The following PCSK6 variants were observed in gnomAD, a reference collection of about 807,000 sequenced individuals.
PCSK6 encodes paired basic amino acid cleaving enzyme 4.
Under a neutral mutation model 123.3 loss-of-function variants are expected in PCSK6, and 85 were observed. The observed-to-expected ratio is 0.69, with a 90% CI of 0.58 to 0.83. The LOEUF is 0.83. PCSK6 is among the 40% of genes least tolerant of loss of function. The probability of loss-of-function intolerance (pLI) is 0.00; values close to 1 mark genes in which losing one functional copy is unlikely to be tolerated. For missense variants in PCSK6, 1,191 were observed against 1,282.3 expected (o/e 0.93, Z 1.09); for synonymous variants, 508 against 516.0 (o/e 0.98, Z 0.21).
At chr15:101,384,278 A>G (rs2041994502) in intron 10 of PCSK6, 44 bp downstream of exon 10, 3 of 1,599,628 alleles carry the variant, frequency 1.9e-6, no homozygotes, top group Admixed American at 1.7e-5. Context: ...CTTCCTACAC[A>G]TTCCAGGGCC....
intron 11 of PCSK6, among the ~76,000 whole-genome samples, chr15:101,372,636 C>T (rs956418586): frequency 1.3e-5 from 2 of 152,084 alleles, no homozygotes; most frequent in Non-Finnish European, 2.9e-5. Flanking sequence ...CCCACCTTCA[C>T]CCCACACTAA....
intron 2 of PCSK6, 107 bp from the exon 3 acceptor site, chr15:101,432,207 T>C: frequency 3.4e-6 from 3 of 875,430 alleles, no homozygotes; most frequent in East Asian, 2.7e-5. Context: ...ATCTGTGTCA[T>C]AGCAGATATT....
At chr15:101,466,927 C>A (rs1006511831) in intron 1 of PCSK6, among the ~76,000 whole-genome samples, 1 of 151,908 alleles carries the variant, frequency 6.6e-6, no homozygotes, top group African/African-American at 2.4e-5. Flanking sequence ...AGATGGGGTG[C>A]GGGGACAGTT....
In PCSK6 at chr15:101,306,817, C is replaced by T. The variant is rs139888982; in HGVS notation, c.2812+396G>A. Among the ~76,000 whole-genome samples the T allele has an allele frequency of 3.8e-3, 581 of 152,338 alleles. 5 individuals carry two copies. Among genetic ancestry groups the T allele is most frequent in the African/African-American group, 0.013 (555 of 41,578 alleles). ...GCTCTACTCTGGGCTCTGTCCCCCT[C>T]GTCCTGAGCAGAGACCCTCCAGGCT... On this transcript the variant is annotated intron_variant, in intron 21 of 21. Coordinates refer to ENST00000611716, the MANE Select transcript of PCSK6 (RefSeq NM_002570.5).
chr15:101,399,693 C>T (rs957645432), intron 6 of PCSK6, among the ~76,000 whole-genome samples: 5 of 152,114 alleles, frequency 3.3e-5, no homozygotes, highest in African/African-American at 4.8e-5. Flanking sequence ...GGGGTAATGA[C>T]GGCCATGGAC....
At chr15:101,364,215 A>G (rs1390023986) in intron 13 of PCSK6, among the ~76,000 whole-genome samples, 1 of 152,164 alleles carries the variant, frequency 6.6e-6, no homozygotes, top group African/African-American at 2.4e-5. Flanking sequence ...ATCTTCACAG[A>G]AAAGGGCACA....
At chr15:101,408,664 C>T (rs1325224676) in intron 6 of PCSK6, among the ~76,000 whole-genome samples, 4 of 152,206 alleles carry the variant, frequency 2.6e-5, no homozygotes, top group Non-Finnish European at 5.9e-5. Flanking sequence ...CACCAAATCC[C>T]CCCAAGCCCC....
At position 101,376,465 on chromosome 15, in the gene PCSK6, T is replaced by G. The variant is rs1457653563; in HGVS notation, c.1532+5627A>C. Among the ~76,000 whole-genome samples the G allele has an allele frequency of 1.3e-5, 2 of 152,230 alleles. 1 individual carries two copies. ...AACCAATGATCTATGTTAAATAAGC[T>G]GTCTTTAAACCCATACACATAAAGC... is the stretch of plus-strand genomic sequence containing the variant. On this transcript the variant is annotated intron_variant, in intron 11 of 21. Transcript: ENST00000611716.
chr15:101,342,916 C>A (rs989657119), intron 13 of PCSK6, among the ~76,000 whole-genome samples: 29 of 146,530 alleles, frequency 2.0e-4, no homozygotes, highest in South Asian at 1.9e-3. Context: ...AAAAAAAAAA[C>A]CAAACTCTGG....
chr15:101,360,074 G>A (rs1173899918), intron 13 of PCSK6, among the ~76,000 whole-genome samples: 2 of 151,940 alleles, frequency 1.3e-5, no homozygotes, highest in East Asian at 1.9e-4. Context: ...AGTCATCCAT[G>A]CCCCCTCTCT....
At chr15:101,470,136 T>C (rs2057570518) in intron 1 of PCSK6, among the ~76,000 whole-genome samples, 1 of 152,204 alleles carries the variant, frequency 6.6e-6, no homozygotes, top group Non-Finnish European at 1.5e-5. Context: ...GGAGGTGAGG[T>C]ACTGTGCTGG....
intron 16 of PCSK6, 22 bp from the exon 17 acceptor site, chr15:101,325,068 G>T: frequency 6.3e-7 from 1 of 1,578,242 alleles, no homozygotes; most frequent in Non-Finnish European, 8.6e-7. Context: ...AAGGCAGGAG[G>T]GTGAGGGCCT....
intron 19 of PCSK6, among the ~76,000 whole-genome samples, chr15:101,317,618 G>A (rs2040021182): frequency 6.6e-6 from 1 of 152,148 alleles, no homozygotes; most frequent in South Asian, 2.1e-4. Context: ...CTCTCCCAAA[G>A]CCCTCTCAAT....
chr15:101,354,488 C>T (rs570238287), intron 13 of PCSK6, among the ~76,000 whole-genome samples: 1 of 152,380 alleles, frequency 6.6e-6, no homozygotes, highest in East Asian at 1.9e-4. Context: ...CTACGTGTCC[C>T]ACGGCACATT....
At chr15:101,482,091 G>A (rs534806649) in intron 1 of PCSK6, among the ~76,000 whole-genome samples, 16 of 152,256 alleles carry the variant, frequency 1.1e-4, no homozygotes, top group Non-Finnish European at 2.1e-4. Flanking sequence ...GTTCATTCTG[G>A]CAGAAGCCGA....
At chr15:101,413,661 G>A (rs1596309150) in intron 6 of PCSK6, among the ~76,000 whole-genome samples, 1 of 152,158 alleles carries the variant, frequency 6.6e-6, no homozygotes, top group Non-Finnish European at 1.5e-5. Context: ...GCAACAATAT[G>A]TTAAATATTT....
intron 6 of PCSK6, among the ~76,000 whole-genome samples, chr15:101,417,340 ATGC>A (rs1293273857): frequency 6.6e-6 from 1 of 152,226 alleles, no homozygotes; most frequent in Non-Finnish European, 1.5e-5. Context: ...AAACGGACTA[ATGC>A]AAACACCCAT....
chr15:101,340,055 A>G (rs2040566395), intron 13 of PCSK6, among the ~76,000 whole-genome samples: 1 of 152,194 alleles, frequency 6.6e-6, no homozygotes, highest in Admixed American at 6.5e-5. Flanking sequence ...AGTTCACATT[A>G]TGGCAAGTAA....
At chr15:101,405,520 A>C (rs906177629) in intron 6 of PCSK6, among the ~76,000 whole-genome samples, 2 of 152,138 alleles carry the variant, frequency 1.3e-5, no homozygotes, top group Non-Finnish European at 2.9e-5. Context: ...CCCCACTGAC[A>C]ATTGCAGCTG....
Sources: gnomAD v4.1 joint callset for allele counts (sites outside exome capture counted in the v4.1 genomes callset) on GRCh38, gnomAD v4.1.1 for gene constraint, MANE v1.5 for transcripts, NCBI Gene and HGNC (gene_info 2026-07-23, HGNC 2026-07-21) for gene names.